The following NRG1 variants were observed in gnomAD, a reference collection of about 807,000 sequenced individuals.
NRG1 encodes pro-neuregulin-1, membrane-bound isoform.
In NRG1, 18 loss-of-function variants were observed where a neutral mutation model predicts 63.8. That is an observed-to-expected ratio of 0.28 (90% CI 0.19 to 0.42). The LOEUF (loss-of-function observed/expected upper bound fraction) is 0.42, where lower values mean the gene tolerates loss of function less well. NRG1 is among the 10% of genes least tolerant of loss of function. The pLI is 1.00. For missense variants in NRG1, 762 were observed against 814.7 expected (o/e 0.94, Z 0.79); for synonymous variants, 302 against 301.3 (o/e 1.00, Z -0.02).
intron 1 of NRG1, among the ~76,000 whole-genome samples, chr8:32,277,671 T>C (rs1014973783): frequency 1.3e-5 from 2 of 152,210 alleles, no homozygotes; most frequent in Non-Finnish European, 2.9e-5. Context: ...TAACAATATC[T>C]GGTGACATTT....
chr8:32,176,455 A>G (rs896318835), intron 1 of NRG1, among the ~76,000 whole-genome samples: 9 of 152,256 alleles, frequency 5.9e-5, no homozygotes, highest in African/African-American at 1.9e-4. Flanking sequence ...AGCAATGGCA[A>G]CAAAAGCCAA....
chr8:32,405,869 A>G lies in NRG1; in HGVS notation c.38-189959A>G, dbSNP rs151275532. 5.0e-3 allele frequency among the ~76,000 whole-genome samples: 758 copies of G among 152,280 alleles called. 5 individuals are homozygous for G. Among genetic ancestry groups the G allele is most frequent in the Non-Finnish European group, 7.4e-3 (502 of 68,016 alleles). On this transcript the variant is annotated intron_variant, in intron 1 of 10. Transcript: ENST00000519301. ...TTTAAAAATTTACTTTTTTGTGAGA[A>G]TCTGATTTTTGTGAGACTCTGTGAA...
intron 5 of NRG1, among the ~76,000 whole-genome samples, chr8:32,634,990 A>G (rs1851053082): frequency 6.6e-6 from 1 of 152,192 alleles, no homozygotes; most frequent in African/African-American, 2.4e-5. Flanking sequence ...TACTGATTGT[A>G]AAGATTATAA....
chr8:31,673,582 G>A (rs778177498), intron 1 of NRG1, among the ~76,000 whole-genome samples: 3 of 152,120 alleles, frequency 2.0e-5, no homozygotes, highest in Non-Finnish European at 4.4e-5. Context: ...GGCAGGGGAA[G>A]GACTGTCTAT....
chr8:31,768,673 G>T (rs571170989), intron 1 of NRG1, among the ~76,000 whole-genome samples: 14 of 152,134 alleles, frequency 9.2e-5, no homozygotes, highest in Non-Finnish European at 1.9e-4. Context: ...TTTAGACTCA[G>T]CCTTATTCTT....
intron 1 of NRG1, among the ~76,000 whole-genome samples, chr8:32,235,594 G>A (rs933737958): frequency 6.6e-6 from 1 of 152,144 alleles, no homozygotes; most frequent in Admixed American, 6.5e-5. Context: ...TCATTTTAAT[G>A]AGATTTTCAG....
intron 1 of NRG1, among the ~76,000 whole-genome samples, chr8:32,497,001 C>A (rs573603027): frequency 4.6e-5 from 7 of 152,090 alleles, no homozygotes; most frequent in Non-Finnish European, 1.0e-4. Flanking sequence ...CCCAGAATCA[C>A]GCAGCTAGTA....
intron 7 of NRG1, among the ~76,000 whole-genome samples, chr8:32,752,231 C>T (rs1244114813): frequency 6.6e-6 from 1 of 152,124 alleles, no homozygotes; most frequent in African/African-American, 2.4e-5. Flanking sequence ...GCTTCTTAGA[C>T]ATGTATCCTA....
At chr8:31,869,601 C>G (rs945797055) in intron 1 of NRG1, among the ~76,000 whole-genome samples, 5 of 152,178 alleles carry the variant, frequency 3.3e-5, no homozygotes, top group South Asian at 2.1e-4. Context: ...CCATTAAGCT[C>G]TTGCCTCGTT....
At chr8:32,567,132 C>A (rs1837602013) in intron 1 of NRG1, among the ~76,000 whole-genome samples, 1 of 152,156 alleles carries the variant, frequency 6.6e-6, no homozygotes, top group South Asian at 2.1e-4. Flanking sequence ...GCCACTGCAC[C>A]TGGCCAGTAG....
intron 1 of NRG1, among the ~76,000 whole-genome samples, chr8:31,842,292 T>A (rs1826270507): frequency 6.6e-6 from 1 of 152,244 alleles, no homozygotes; most frequent in Non-Finnish European, 1.5e-5. Context: ...TTTGCTTATA[T>A]GTGTCATATC....
At chr8:31,797,685 T>C (rs973306215) in intron 1 of NRG1, among the ~76,000 whole-genome samples, 4 of 152,230 alleles carry the variant, frequency 2.6e-5, no homozygotes, top group African/African-American at 9.6e-5. Flanking sequence ...TATTTATTTA[T>C]TTATTGCAGC....
chr8:32,165,913 A>G (rs1415385716), intron 1 of NRG1, among the ~76,000 whole-genome samples: 1 of 152,168 alleles, frequency 6.6e-6, no homozygotes, highest in Admixed American at 6.5e-5. Flanking sequence ...GTTTGCAAAC[A>G]TGCCACATGT....
At chr8:32,606,100 A>G (rs962598959) in intron 3 of NRG1, among the ~76,000 whole-genome samples, 2 of 149,612 alleles carry the variant, frequency 1.3e-5, no homozygotes, top group African/African-American at 4.9e-5. Context: ...TATGTATTAT[A>G]TATGCGTTAT....
intron 1 of NRG1, among the ~76,000 whole-genome samples, chr8:31,766,380 A>G (rs1348866813): frequency 6.6e-6 from 1 of 152,154 alleles, no homozygotes; most frequent in Non-Finnish European, 1.5e-5. Flanking sequence ...TGAGAAAGGA[A>G]CAATGACTTC....
intron 1 of NRG1, among the ~76,000 whole-genome samples, chr8:32,333,872 C>T (rs902783985): frequency 6.6e-6 from 1 of 152,180 alleles, no homozygotes; most frequent in African/African-American, 2.4e-5. Context: ...GTAAACACAA[C>T]AGATTCTTTC....
intron 1 of NRG1, among the ~76,000 whole-genome samples, chr8:32,310,180 A>G (rs1433276400): frequency 6.6e-6 from 1 of 152,220 alleles, no homozygotes; most frequent in Non-Finnish European, 1.5e-5. Flanking sequence ...CAAGGCAAAC[A>G]TTTTGTGAAT....
At chr8:31,830,779 GAAAGA>G (rs1825070894) in intron 1 of NRG1, among the ~76,000 whole-genome samples, 1 of 151,842 alleles carries the variant, frequency 6.6e-6, no homozygotes, top group African/African-American at 2.4e-5. Context: ...AAAAAAAAAA[GAAAGA>G]AAAGAAAAGA....
chr8:32,322,355 T>TTTATATATATATATATATA (rs1554507854), intron 1 of NRG1, among the ~76,000 whole-genome samples: 2 of 142,656 alleles, frequency 1.4e-5, no homozygotes, highest in African/African-American at 5.3e-5. Context: ...CAACCTTATT[T>TTTATATATATATATATATA]TATATATATA....
Sources: allele counts gnomAD v4.1 joint callset (sites outside exome capture counted in the v4.1 genomes callset), GRCh38; gene constraint gnomAD v4.1.1; transcripts MANE v1.5; gene names NCBI Gene and HGNC (gene_info 2026-07-23, HGNC 2026-07-21).